The following CELF6 variants were observed in gnomAD, a reference collection of about 807,000 sequenced individuals.
CELF6 encodes Bruno -like 6, RNA binding protein.
A neutral mutation model predicts 53.1 loss-of-function variants in CELF6; 32 were observed. The observed-to-expected ratio is 0.60, with a 90% CI of 0.46 to 0.81. The LOEUF is 0.81. Among genes scored for constraint, CELF6 ranks in the 30% least tolerant of loss-of-function variants. The pLI, the probability that CELF6 is intolerant of heterozygous loss-of-function variation, is 0.00. For synonymous variants in CELF6, 291 were observed against 288.8 expected, an observed-to-expected ratio of 1.01 and a Z score of -0.08; for missense variants, 539 against 669.5, an observed-to-expected ratio of 0.81 and a Z score of 2.15.
intron 2 of CELF6, among the ~76,000 whole-genome samples, chr15:72,312,451 A>G (rs1402181695): frequency 6.6e-6 from 1 of 152,114 alleles, no homozygotes; most frequent in Non-Finnish European, 1.5e-5. Flanking sequence ...ACATGGTGAA[A>G]CCCTGTCTCT....
rs373387078 is a variant in CELF6 at position 72,319,836 on chromosome 15, G to C, written c.39C>G (p.Gly13=). ...AAPGGSAQPA[G]PGPRLGFSTA... ...TGCTGAAACCCAGGCGCGGGCCGGG[G>C]CCAGCGGGCTGCGCTGACCCTCCCG... The change falls in exon 1 of 13, where the codon GGC becomes GGG. Residue 13 remains glycine, a synonymous_variant. Transcript: ENST00000287202. This position sits in a 1 kb window ranked among gnomAD's most constrained non-coding sequence, Gnocchi z 5.0. The C allele has an allele frequency of 6.5e-6, 10 of 1,546,566 alleles. No individual in the cohort carries two copies. In the East Asian group the frequency reaches 2.4e-4, roughly 38 times the overall value.
Position 72,304,769 on chromosome 15 carries a change from G to A in CELF6, c.371C>T (p.Pro124Leu), listed in dbSNP as rs1489294349. 1.2e-6 allele frequency: 2 copies of A among 1,614,176 alleles called. No homozygotes were observed. Among genetic ancestry groups the A allele is most frequent in the South Asian group, 1.1e-5 (1 of 91,088 alleles). Residue 124 changes from proline (P) to leucine (L), a missense_variant, in exon 3 of 13, where the codon CCA becomes CTA. By Grantham distance (98) the Pro-to-Leu change is moderately conservative. Around this residue, in one of 3 missense-constraint regions of CELF6, gnomAD observed 97 missense variants for 168.8 expected, o/e 0.57. Coordinates refer to ENST00000287202, the MANE Select transcript of CELF6 (RefSeq NM_052840.5). ...ACCTCCTCGGCCCTCACTGGCAGCTGGCTTCACTTGGATCGGACGATTCAT... is the reference window on the plus strand; with the variant it reads ...ACCTCCTCGGCCCTCACTGGCAGCTAGCTTCACTTGGATCGGACGATTCAT... ...PGMNRPIQVK[P>L]AASEGRGEDR... is the part of the protein sequence containing the mutation.
At chr15:72,294,574 A>G (rs1343491698) in intron 3 of CELF6, among the ~76,000 whole-genome samples, 1 of 152,240 alleles carries the variant, frequency 6.6e-6, no homozygotes, top group Non-Finnish European at 1.5e-5. Context: ...ACACAAAAAA[A>G]CTGTTAGAAC....
Position 72,288,873 on chromosome 15 carries a change from T to C in CELF6, c.1088A>G (p.Tyr363Cys). The change falls in exon 9 of 13, where the codon TAC becomes TGC. Residue 363 changes from tyrosine to cysteine, a missense_variant. Physicochemically the swap from Tyr to Cys is radical, Grantham distance 194 (BLOSUM62 -2). Transcript: ENST00000287202. This position sits in a 1 kb window ranked among gnomAD's most constrained non-coding sequence, Gnocchi z 4.6. ...CGCGTAGCGCCAAGTGAAACCTGCGTAGTGGTGCATCCCAGCGTAGGCCTG... is the reference window on the plus strand; with the variant it reads ...CGCGTAGCGCCAAGTGAAACCTGCGCAGTGGTGCATCCCAGCGTAGGCCTG... Reference protein sequence around the residue: ...LQQAYAGMHHYAAAYPSAYAP... With the variant: ...LQQAYAGMHHCAAAYPSAYAP... 6 of 1,550,832 alleles carry C rather than the reference T, an allele frequency of 3.9e-6. No individual in the cohort carries two copies. In the South Asian group the frequency reaches 4.8e-5, roughly 12 times the overall value.
At chr15:72,299,156 G>A (rs1409062733) in intron 3 of CELF6, among the ~76,000 whole-genome samples, 1 of 142,188 alleles carries the variant, frequency 7.0e-6, no homozygotes, top group South Asian at 2.1e-4. Context: ...GTACCTTGCA[G>A]TGAGCCGAGT....
Position 72,288,665 on chromosome 15 carries a change from C to T in CELF6, c.1094-47G>A, listed in dbSNP as rs1419360025. 1 of 1,522,838 alleles carries T rather than the reference C, an allele frequency of 6.6e-7. No homozygotes were observed. The highest frequency in any genetic ancestry group is 8.9e-7 in the Non-Finnish European group (1 of 1,123,370). 94.3% of individuals were successfully genotyped at this position (1,522,838 alleles called of 1,614,324 possible). ...GACAGTGATCCCCAGGAGCCCTTCC[C>T]CAAGCAGGGCCCCAACTGCCTGGCC... On this transcript the variant is annotated intron_variant, in intron 9 of 12. Coordinates refer to ENST00000287202, the MANE Select transcript of CELF6 (RefSeq NM_052840.5). The surrounding 1 kb of genome is among the most constrained non-coding windows in gnomAD (Gnocchi z 4.6).
At chr15:72,297,517 C>T (rs1179989207) in intron 3 of CELF6, among the ~76,000 whole-genome samples, 1 of 152,126 alleles carries the variant, frequency 6.6e-6, no homozygotes. Context: ...AACAGATGAA[C>T]GGATAAACAA....
At position 72,289,694 on chromosome 15, in the gene CELF6, G is replaced by A; in HGVS notation, c.680C>T (p.Ala227Val). The A allele has an allele frequency of 1.3e-6, 2 of 1,485,952 alleles. No individual in the cohort carries two copies. The highest frequency in any genetic ancestry group is 8.9e-7 in the Non-Finnish European group (1 of 1,128,260). 92.0% of individuals were successfully genotyped at this position (1,485,952 alleles called of 1,614,324 possible). Residue 227 changes from alanine (A) to valine (V), a missense_variant, in exon 6 of 13, where the codon GCC becomes GTC. This residue lies in a region of CELF6 where 358 missense variants were observed against 412.8 expected (regional missense o/e 0.87). Coordinates refer to ENST00000287202, the MANE Select transcript of CELF6 (RefSeq NM_052840.5). This position sits in a 1 kb window ranked among gnomAD's most constrained non-coding sequence, Gnocchi z 7.6. Reference protein sequence around the residue: ...ERALRRMQQMAGHLGAFHPAP... With the variant: ...ERALRRMQQMVGHLGAFHPAP... ...GGGGTGGAAGGCGCCCAGGTGGCCG[G>A]CCATCTGCTGCATCCGCCGCAGCGC...
At position 72,289,326 on chromosome 15, in the gene CELF6, C is replaced by T. The variant is rs756201504; in HGVS notation, c.881-39G>A. The stretch of plus-strand genomic sequence containing the variant: ...AGGTCTGAGAGTCAGGCCGCCACCC[C>T]GCCCCGCCCGGCCCCTCCCAGGCGC... On this transcript the variant is annotated intron_variant, in intron 7 of 12. Coordinates refer to ENST00000287202, the MANE Select transcript of CELF6 (RefSeq NM_052840.5). This position sits in a 1 kb window ranked among gnomAD's most constrained non-coding sequence, Gnocchi z 7.6. 6.5e-7 allele frequency: 1 copy of T among 1,536,766 alleles called. No individual in the cohort carries two copies. Among genetic ancestry groups the T allele is most frequent in the African/African-American group, 1.4e-5 (1 of 73,316 alleles).
rs540745828 is a variant in CELF6, at chr15:72,309,010, C to T, written c.346-4216G>A. Among the ~76,000 whole-genome samples the T allele has an allele frequency of 5.3e-5, 8 of 152,204 alleles. No homozygotes were observed. The East Asian group carries it at 9.6e-4, about 18-fold the overall frequency. ...CTCACTGCAAACTCCAAATCTTGGG[C>T]TAAGCGATTATTCTACTTCAGCCTC... is the stretch of plus-strand genomic sequence containing the variant. On this transcript the variant is annotated intron_variant, in intron 2 of 12. Transcript: ENST00000287202.
intron 11 of CELF6, 70 bp from the exon 12 acceptor site, chr15:72,287,462 C>A: frequency 6.3e-7 from 1 of 1,580,806 alleles, no homozygotes; most frequent in South Asian, 1.1e-5. Flanking sequence ...TCTGACCAGC[C>A]CCCTCCTCTT....
At chr15:72,307,052 G>A (rs1311471197) in intron 2 of CELF6, among the ~76,000 whole-genome samples, 3 of 151,624 alleles carry the variant, frequency 2.0e-5, no homozygotes, top group Non-Finnish European at 4.4e-5. Context: ...GGCCAAAAGA[G>A]TAGAAGCCTG....
rs1039052273 is a variant in CELF6 at position 72,285,098 on chromosome 15, C to G, written c.*1273G>C. 1 of 152,762 alleles carries G rather than the reference C, an allele frequency of 6.5e-6. No homozygotes were observed. Among genetic ancestry groups the G allele is most frequent in the African/African-American group, 2.4e-5 (1 of 41,448 alleles). 9.5% of individuals were successfully genotyped at this position (152,762 alleles called of 1,614,324 possible). A position where few individuals can be genotyped will look rare whatever the true frequency, so the allele number is the denominator to read the frequency against. ...TATACAACAGACAGACAAAGACAGA[C>G]AGACAGAGCACACACCACTTCTAAG... On this transcript the variant is annotated 3_prime_UTR_variant, in exon 13 of 13. Coordinates refer to ENST00000287202, the MANE Select transcript of CELF6 (RefSeq NM_052840.5).
chr15:72,316,680 T>C (rs1302232438), intron 1 of CELF6, among the ~76,000 whole-genome samples: 1 of 152,208 alleles, frequency 6.6e-6, no homozygotes, highest in Non-Finnish European at 1.5e-5. Context: ...GGGTCAAGTT[T>C]AGCCCTCTGT....
Position 72,289,269 on chromosome 15 carries a change from C to G in CELF6, c.899G>C (p.Gly300Ala), listed in dbSNP as rs749531657. The G allele has an allele frequency of 6.3e-7, 1 of 1,578,872 alleles. No homozygotes were observed. The highest frequency in any genetic ancestry group is 1.2e-5 in the South Asian group (1 of 86,832). The change falls in exon 8 of 13, where the codon GGC (glycine) becomes GCC (alanine). Residue 300 changes from glycine (G) to alanine (A), a missense_variant. This residue lies in a region of CELF6 where 358 missense variants were observed against 412.8 expected (regional missense o/e 0.87). Transcript: ENST00000287202. The surrounding 1 kb of genome is among the most constrained non-coding windows in gnomAD (Gnocchi z 7.6). ...ACCTGGGAGGGTGCCAGGGCCGCTG[C>G]CAGGCGGGGAGTTGGCTGCTGATGG... The part of the protein sequence containing the change: ...LPAAAANSPP[G>A]SGPGTLPGLP...
chr15:72,299,236 A>AAAAAC (rs2088119242), intron 3 of CELF6, among the ~76,000 whole-genome samples: 1 of 152,016 alleles, frequency 6.6e-6, no homozygotes, highest in Non-Finnish European at 1.5e-5. Flanking sequence ...ACTCCATTTC[A>AAAAAC]AAAACAAAAC....
At position 72,289,800 on chromosome 15, in the gene CELF6, C is replaced by G; in HGVS notation, c.604-30G>C. On this transcript the variant is annotated intron_variant, in intron 5 of 12. Coordinates refer to ENST00000287202, the MANE Select transcript of CELF6 (RefSeq NM_052840.5). The surrounding 1 kb of genome is among the most constrained non-coding windows in gnomAD (Gnocchi z 7.6). ...GCAGGGCAGGGGAGGCCGTGGTGAC[C>G]GGTCCTGACCCTGGCCCCGGCCCGG... is the stretch of plus-strand genomic sequence containing the variant. 6.9e-7 allele frequency: 1 copy of G among 1,448,552 alleles called. No homozygotes were observed. The highest frequency in any genetic ancestry group is 9.0e-7 in the Non-Finnish European group (1 of 1,105,412). 89.7% of individuals were successfully genotyped at this position (1,448,552 alleles called of 1,614,324 possible).
chr15:72,304,342 A>G (rs1446397541), intron 3 of CELF6, among the ~76,000 whole-genome samples: 1 of 152,198 alleles, frequency 6.6e-6, no homozygotes, highest in African/African-American at 2.4e-5. Context: ...AATGGCCTCA[A>G]TCCGAAACGG....
At chr15:72,318,954 C>T (rs1349610220) in intron 1 of CELF6, among the ~76,000 whole-genome samples, 3 of 152,028 alleles carry the variant, frequency 2.0e-5, no homozygotes, top group African/African-American at 7.3e-5. Flanking sequence ...GGGATTCTGG[C>T]GAAGGGCAGG....
Sources: gnomAD v4.1 joint callset for allele counts (sites outside exome capture counted in the v4.1 genomes callset) on GRCh38, gnomAD v4.1.1 for gene constraint, gnomAD v4.1.1 regional missense constraint, Gnocchi (gnomAD v3.1) non-coding constraint, MANE v1.5 for transcripts, NCBI Gene and HGNC (gene_info 2026-07-23, HGNC 2026-07-21) for gene names.